PLAC1: variants seen among roughly 807,000 people sequenced by gnomAD.
PLAC1 encodes the protein placenta-specific protein 1.
For missense variants in PLAC1, 136 were observed against 163.2 expected (o/e 0.83, Z 0.91); for synonymous variants, 68 against 62.1 (o/e 1.09, Z -0.44).
At chrX:134,736,020 G>A (rs2078702315) in intron 1 of PLAC1, among the ~76,000 whole-genome samples, 1 of 109,419 alleles carries the variant, frequency 9.1e-6, no homozygotes, top group Admixed American at 9.7e-5. Flanking sequence ...GCTCACGCCT[G>A]TAATTCCAGC....
intron 2 of PLAC1, among the ~76,000 whole-genome samples, chrX:134,714,728 G>T (rs1347728909): frequency 1.8e-5 from 2 of 111,469 alleles, no homozygotes; most frequent in Admixed American, 1.9e-4. Flanking sequence ...CTTCATGTAA[G>T]TGGAATCTTG....
intron 1 of PLAC1, among the ~76,000 whole-genome samples, chrX:134,744,082 G>A (rs2078723526): frequency 9.0e-6 from 1 of 111,098 alleles, no homozygotes; most frequent in Admixed American, 9.5e-5. Flanking sequence ...ATAGGAGTTC[G>A]AGACCATCCT....
intron 2 of PLAC1, among the ~76,000 whole-genome samples, chrX:134,713,961 C>T (rs750955863): frequency 8.9e-6 from 1 of 111,907 alleles, no homozygotes; most frequent in Non-Finnish European, 1.9e-5. Flanking sequence ...ATGAGAAGGG[C>T]AGCCTTGAGG....
chrX:134,686,828 G>A (rs1362774701), intron 2 of PLAC1, among the ~76,000 whole-genome samples: 2 of 110,794 alleles, frequency 1.8e-5, no homozygotes, highest in Non-Finnish European at 3.8e-5. Flanking sequence ...CTCTTGTCCT[G>A]TTTCTTCTTC....
chrX:134,755,999 C>G, intron 1 of PLAC1, among the ~76,000 whole-genome samples: 1 of 106,731 alleles, frequency 9.4e-6, no homozygotes, highest in African/African-American at 3.4e-5. Flanking sequence ...CTACAGGTGC[C>G]CACCACCACG....
intron 2 of PLAC1, among the ~76,000 whole-genome samples, chrX:134,725,795 G>A (rs567588431): frequency 2.7e-5 from 3 of 111,787 alleles, no homozygotes; most frequent in African/African-American, 9.8e-5. Flanking sequence ...TCAGGAGTTC[G>A]AGACCATCCT....
At chrX:134,755,853 TTTC>T (rs1327862552) in intron 1 of PLAC1, among the ~76,000 whole-genome samples, 2 of 99,636 alleles carry the variant, frequency 2.0e-5, no homozygotes, top group Admixed American at 1.1e-4. Flanking sequence ...TTTCCTTTTC[TTTC>T]TTTTTTTTTT....
intron 1 of PLAC1, among the ~76,000 whole-genome samples, chrX:134,638,673 C>A (rs144193818): frequency 9.0e-6 from 1 of 110,782 alleles, no homozygotes; most frequent in Admixed American, 9.6e-5. Flanking sequence ...AGCATAATTC[C>A]GGGTGGTATA....
intron 2 of PLAC1, among the ~76,000 whole-genome samples, chrX:134,695,924 G>C (rs2078561350): frequency 9.1e-6 from 1 of 109,360 alleles, no homozygotes; most frequent in Non-Finnish European, 1.9e-5. Flanking sequence ...AAAGCACTGA[G>C]AAAACCCTTG....
At chrX:134,580,803 A>C (rs764437479) in intron 2 of PLAC1, among the ~76,000 whole-genome samples, 3 of 111,967 alleles carry the variant, frequency 2.7e-5, no homozygotes, top group Non-Finnish European at 3.8e-5. Flanking sequence ...AATGTAACAC[A>C]TTTATTCCGT....
intron 1 of PLAC1, among the ~76,000 whole-genome samples, chrX:134,603,272 TATA>T (rs2078098057): frequency 1.3e-3 from 3 of 2,291 alleles, no homozygotes; most frequent in African/African-American, 4.0e-3. Flanking sequence ...CTGTATTTTA[TATA>T]TATATATATA....
Position 134,566,236 on chromosome X carries a change from C to T in PLAC1, c.447G>A (p.Val149=), listed in dbSNP as rs766465722. ...TAQKDEKCYE[V]FSLSQSSQRP... is the part of the protein sequence containing the mutation. ...TTTGACTGGACTGTGACAAGCTGAA[C>T]ACCTCGTAGCATTTCTCATCCTTCT... Residue 149 remains valine (V), a synonymous_variant, in exon 3 of 3, where the codon GTG becomes GTA. Coordinates refer to ENST00000359237, the MANE Select transcript of PLAC1 (RefSeq NM_021796.4). 8.3e-7 allele frequency: 1 copy of T among 1,209,799 alleles called. No individual in the cohort carries two copies. The highest frequency in any genetic ancestry group is 1.7e-5 in the African/African-American group (1 of 57,198).
rs755057747 is a variant in PLAC1 at position 134,658,419 on chromosome X, G to C, written c.-222C>G. ...GTATCTCAGTCACTGGAACTGAAGA[G>C]GGGTGGCCTTTACCTTCATAGGAGA... On this transcript the variant is annotated 5_prime_UTR_variant, in exon 1 of 3. Coordinates refer to ENST00000359237, the MANE Select transcript of PLAC1 (RefSeq NM_021796.4). The C allele has an allele frequency of 1.8e-5, 2 of 112,701 alleles. No homozygotes were observed. The highest frequency in any genetic ancestry group is 5.6e-4 in the East Asian group (2 of 3,588). The allele number at this position is 112,701 out of a possible 1,213,427, so 9.3% of individuals were successfully genotyped here.
At chrX:134,636,857 T>G (rs1407411250) in intron 1 of PLAC1, among the ~76,000 whole-genome samples, 1 of 112,190 alleles carries the variant, frequency 8.9e-6, no homozygotes, top group Non-Finnish European at 1.9e-5. Flanking sequence ...ACACTTAATC[T>G]CCACCATCCA....
intron 2 of PLAC1, among the ~76,000 whole-genome samples, chrX:134,690,662 A>G (rs973694424): frequency 8.2e-5 from 9 of 109,182 alleles, no homozygotes; most frequent in Middle Eastern, 9.3e-3. Flanking sequence ...TATCATATTG[A>G]TGGCTCATAC....
intron 2 of PLAC1, among the ~76,000 whole-genome samples, chrX:134,715,445 G>A (rs2078640591): frequency 9.3e-6 from 1 of 107,922 alleles, no homozygotes; most frequent in African/African-American, 3.4e-5. Flanking sequence ...TCCTGCCCAC[G>A]GCCCCCCACC....
chrX:134,687,815 C>CATATAT (rs56675396), intron 2 of PLAC1, among the ~76,000 whole-genome samples: 7 of 31,143 alleles, frequency 2.2e-4, no homozygotes, highest in Admixed American at 5.3e-4. Context: ...ACTGAGATAA[C>CATATAT]ATATATATAT....
intron 2 of PLAC1, among the ~76,000 whole-genome samples, chrX:134,724,458 T>C (rs1473828262): frequency 4.4e-5 from 5 of 112,597 alleles, no homozygotes; most frequent in Admixed American, 3.8e-4. Context: ...TGGGTCTGCA[T>C]TGTGCACTGA....
chrX:134,729,280 G>A, intron 2 of PLAC1, among the ~76,000 whole-genome samples: 1 of 112,051 alleles, frequency 8.9e-6, no homozygotes. Flanking sequence ...TTCATTAAGT[G>A]CTTCCCATTG....
Sources: gnomAD v4.1 joint callset for allele counts (sites outside exome capture counted in the v4.1 genomes callset) on GRCh38, gnomAD v4.1.1 for gene constraint, MANE v1.5 for transcripts, NCBI Gene and HGNC (gene_info 2026-07-23, HGNC 2026-07-21) for gene names.